Variants in CCDC198 observed in about 807,000 individuals in gnomAD.
The protein encoded by CCDC198 is coiled-coil domain containing 198.
Under a neutral mutation model 35.6 loss-of-function variants are expected in CCDC198, and 18 were observed. The observed-to-expected ratio is 0.51, with a 90% confidence interval of 0.35 to 0.75. CCDC198 has a LOEUF of 0.75. Ranked by LOEUF, CCDC198 falls within the 30% of genes least tolerant of loss-of-function variation. The probability of loss-of-function intolerance (pLI) is 0.01; values close to 1 mark genes in which losing one functional copy is unlikely to be tolerated. For synonymous variants in CCDC198, 119 were observed against 113.4 expected (o/e 1.05, Z -0.31); for missense variants, 365 against 343.7 (o/e 1.06, Z -0.49).
rs778041098 is a variant in CCDC198 at position 57,480,656 on chromosome 14, TG to T, written c.593del (p.Pro198GlnfsTer9). On this transcript the variant is annotated frameshift_variant, in exon 5 of 6. Transcript: ENST00000216445. LOFTEE classifies it high-confidence loss of function. ...HKAKKTLQST[P>X]RNDDHDLLTM... ...TTAGAAGGTCATGGTCATCATTCCT[TG>T]GGGTGCTTTGAAGGGTTTTCTTGGC... The T allele has an allele frequency of 6.2e-7, 1 of 1,614,192 alleles. No individual in the cohort carries two copies. Among genetic ancestry groups the T allele is most frequent in the Non-Finnish European group, 8.5e-7 (1 of 1,180,014 alleles).
intron 4 of CCDC198, 58 bp downstream of exon 4, chr14:57,481,501 G>T (rs956218533): frequency 4.8e-5 from 55 of 1,154,372 alleles, no homozygotes; most frequent in Non-Finnish European, 9.1e-6. Flanking sequence ...TATTCATGTG[G>T]CAGGGCAGTG....
chr14:57,488,663 C>G (rs2067453600), intron 2 of CCDC198, among the ~76,000 whole-genome samples: 1 of 152,084 alleles, frequency 6.6e-6, no homozygotes, highest in African/African-American at 2.4e-5. Flanking sequence ...CTGCAAGGAA[C>G]TTAAACAAAT....
At chr14:57,485,720 C>A (rs1289254495) in intron 2 of CCDC198, among the ~76,000 whole-genome samples, 1 of 152,040 alleles carries the variant, frequency 6.6e-6, no homozygotes, top group Non-Finnish European at 1.5e-5. Context: ...CCAAAGTAGA[C>A]CTGGTAAGGA....
chr14:57,469,531 GT>G lies in CCDC198; in HGVS notation c.*1823del, dbSNP rs1278348529. ...CAAAGTTATCCATCCCATTTTTTGT[GT>G]TTTAAGCCTTCCAAATTGACCACAA... is the stretch of plus-strand genomic sequence containing the variant. On this transcript the variant is annotated 3_prime_UTR_variant, in exon 6 of 6. Coordinates refer to ENST00000216445, the MANE Select transcript of CCDC198 (RefSeq NM_018168.4). 2.0e-5 allele frequency: 3 copies of G among 152,152 alleles called. No homozygotes were observed. Among genetic ancestry groups the G allele is most frequent in the African/African-American group, 7.2e-5 (3 of 41,444 alleles). The allele number at this position is 152,152 out of a possible 1,614,324, so 9.4% of individuals were successfully genotyped here.
rs770154918 is a variant in CCDC198, at chr14:57,471,360, C to T, written c.886G>A (p.Glu296Lys). 6.2e-7 allele frequency: 1 copy of T among 1,610,548 alleles called. No individual in the cohort carries two copies. The highest frequency in any genetic ancestry group is 1.1e-5 in the South Asian group (1 of 90,470). ...TAGGTTAATGAATAGTATTCTTATT[C>T]TTGATCAAAAAACTCATCGAAAAGT... ...IPLFDEFFDQ[E>K] Residue 296 changes from glutamate (E) to lysine (K), a missense_variant, in exon 6 of 6, where the codon GAA becomes AAA. Physicochemically the swap from Glu to Lys is moderately conservative, Grantham distance 56 (BLOSUM62 1). Transcript: ENST00000216445.
chr14:57,471,542 T>C lies in CCDC198; in HGVS notation c.704A>G (p.Tyr235Cys), dbSNP rs1152530. 1,584,789 of 1,613,234 alleles carry C rather than the reference T, an allele frequency of 0.98. 782,405 individuals are homozygous for C. The highest frequency in any genetic ancestry group is 1 in the East Asian group (44,856 of 44,856). Residue 235 changes from tyrosine to cysteine, a missense_variant, in exon 6 of 6, where the codon TAC (tyrosine) becomes TGC (cysteine). Tyr to Cys is a radical substitution (Grantham distance 194). Transcript: ENST00000216445. Reference sequence around the variant, plus strand: ...CATTTTGCCAATTTTCCAGGGACAGTAGTTATTCACTGCTTGATGTTTCAA... The same window carrying C: ...CATTTTGCCAATTTTCCAGGGACAGCAGTTATTCACTGCTTGATGTTTCAA... ...EFLKHQAVNN[Y>C]CPWKIGKMET...
rs1272303462 is a variant in CCDC198, at chr14:57,469,824, A to T, written c.*1531T>A. 2 of 152,220 alleles carry T rather than the reference A, an allele frequency of 1.3e-5. No individual in the cohort carries two copies. The highest frequency in any genetic ancestry group is 2.9e-5 in the Non-Finnish European group (2 of 68,032). The allele number at this position is 152,220 out of a possible 1,614,324, so 9.4% of individuals were successfully genotyped here. ...GTTATCTTCTTAGTTTCTGATGTGA[A>T]TGCATTGAATGTCAAATTGAAGTGG... On this transcript the variant is annotated 3_prime_UTR_variant, in exon 6 of 6. Transcript: ENST00000216445.
chr14:57,480,979 T>C (rs2067163387), intron 4 of CCDC198, among the ~76,000 whole-genome samples: 2 of 152,204 alleles, frequency 1.3e-5, no homozygotes, highest in Non-Finnish European at 2.9e-5. Context: ...AAGGTATGGC[T>C]CAATTAAGAT....
intron 5 of CCDC198, among the ~76,000 whole-genome samples, chr14:57,477,411 G>T (rs2067036802): frequency 6.6e-6 from 1 of 152,070 alleles, no homozygotes; most frequent in Admixed American, 6.6e-5. Context: ...CATTATAATA[G>T]GAAGAGTTAG....
intron 5 of CCDC198, among the ~76,000 whole-genome samples, chr14:57,478,074 GA>G (rs1324612361): frequency 6.6e-6 from 1 of 152,170 alleles, no homozygotes; most frequent in Non-Finnish European, 1.5e-5. Flanking sequence ...ACTGGCACTT[GA>G]ATTGGTTCCT....
chr14:57,474,630 T>A (rs1434365485), intron 5 of CCDC198, among the ~76,000 whole-genome samples: 1 of 152,242 alleles, frequency 6.6e-6, no homozygotes, highest in Non-Finnish European at 1.5e-5. Flanking sequence ...GCATTAAAAT[T>A]TGAGAGCTTC....
At chr14:57,492,316 A>G (rs1276258730) in intron 1 of CCDC198, among the ~76,000 whole-genome samples, 1 of 152,036 alleles carries the variant, frequency 6.6e-6, no homozygotes, top group Non-Finnish European at 1.5e-5. Flanking sequence ...GTCACTTCAG[A>G]CATAAGCTCA....
At chr14:57,473,821 C>T (rs2066890510) in intron 5 of CCDC198, among the ~76,000 whole-genome samples, 1 of 152,200 alleles carries the variant, frequency 6.6e-6, no homozygotes, top group Non-Finnish European at 1.5e-5. Flanking sequence ...TTACAAAACC[C>T]TGTGTGATTT....
At chr14:57,482,270 C>G (rs2067213582) in intron 3 of CCDC198, among the ~76,000 whole-genome samples, 1 of 152,160 alleles carries the variant, frequency 6.6e-6, no homozygotes, top group Non-Finnish European at 1.5e-5. Flanking sequence ...GGTCAATATA[C>G]CTTCATTTGT....
chr14:57,477,254 A>G (rs1459686003), intron 5 of CCDC198, among the ~76,000 whole-genome samples: 1 of 152,246 alleles, frequency 6.6e-6, no homozygotes, highest in East Asian at 1.9e-4. Flanking sequence ...ACAGAACAGA[A>G]TGATATCCTT....
intron 5 of CCDC198, chr14:57,478,463 C>T: frequency 1.0e-6 from 1 of 986,106 alleles, no homozygotes; most frequent in Non-Finnish European, 1.2e-6. Flanking sequence ...CTCAACAAAC[C>T]TTAGCTTGAA....
At chr14:57,488,046 C>G (rs927729145) in intron 2 of CCDC198, among the ~76,000 whole-genome samples, 3 of 152,156 alleles carry the variant, frequency 2.0e-5, no homozygotes, top group African/African-American at 7.2e-5. Context: ...ATGAGCAAAG[C>G]TGAGCCGATA....
At chr14:57,489,645 C>T (rs2067493938) in intron 2 of CCDC198, among the ~76,000 whole-genome samples, 1 of 152,028 alleles carries the variant, frequency 6.6e-6, no homozygotes, top group African/African-American at 2.4e-5. Flanking sequence ...CAGTGTTTGA[C>T]TCTGAAATAC....
intron 3 of CCDC198, among the ~76,000 whole-genome samples, chr14:57,482,230 C>G (rs2067211903): frequency 1.3e-5 from 2 of 152,156 alleles, no homozygotes; most frequent in Admixed American, 6.5e-5. Flanking sequence ...TCCAGTGGGA[C>G]AGTGCAGACG....
Sources: allele counts gnomAD v4.1 joint callset (sites outside exome capture counted in the v4.1 genomes callset), GRCh38; gene constraint gnomAD v4.1.1; transcripts MANE v1.5; gene names NCBI Gene and HGNC (gene_info 2026-07-23, HGNC 2026-07-21).